The following RFX3 variants were observed in gnomAD, a reference collection of about 807,000 sequenced individuals.
The protein encoded by RFX3 is regulatory factor X3.
Under a neutral mutation model 98.6 loss-of-function variants are expected in RFX3, and 14 were observed. The ratio of observed to expected loss-of-function variants is 0.14; its 90% CI spans 0.09 to 0.22. RFX3 has a LOEUF of 0.22. RFX3 is among the 10% of genes least tolerant of loss of function. The pLI is 1.00. For missense variants in RFX3, 639 were observed against 926.9 expected (o/e 0.69, Z 4.03); for synonymous variants, 383 against 328.4 (o/e 1.17, Z -1.80).
intron 6 of RFX3, 33 bp downstream of exon 6, chr9:3,293,044 G>C (rs776216937): frequency 3.9e-6 from 6 of 1,519,172 alleles, no homozygotes; most frequent in Non-Finnish European, 5.4e-6. Flanking sequence ...GAAAAAGAGA[G>C]ATTAGTTTAT....
intron 15 of RFX3, among the ~76,000 whole-genome samples, chr9:3,239,257 G>T (rs530757207): frequency 6.6e-6 from 1 of 152,196 alleles, no homozygotes; most frequent in Non-Finnish European, 1.5e-5. Context: ...TATTTGCAAG[G>T]ATTAACAACA....
At chr9:3,385,397 C>T (rs1839597937) in intron 2 of RFX3, among the ~76,000 whole-genome samples, 1 of 152,046 alleles carries the variant, frequency 6.6e-6, no homozygotes, top group South Asian at 2.1e-4. Context: ...TAGTCTTATA[C>T]AGTAAGTGAT....
At chr9:3,520,095 G>C (rs979920246) in intron 1 of RFX3, among the ~76,000 whole-genome samples, 6 of 152,108 alleles carry the variant, frequency 3.9e-5, no homozygotes, top group African/African-American at 1.4e-4. Flanking sequence ...GAGTGACAGA[G>C]CAAAACCCTG....
intron 4 of RFX3, among the ~76,000 whole-genome samples, chr9:3,317,408 T>C (rs1008918591): frequency 2.0e-5 from 3 of 152,190 alleles, no homozygotes; most frequent in African/African-American, 7.2e-5. Context: ...CCTAAAACTG[T>C]AAAAGCCCTA....
intron 1 of RFX3, among the ~76,000 whole-genome samples, chr9:3,451,050 C>A (rs1587715420): frequency 6.6e-6 from 1 of 152,220 alleles, no homozygotes; most frequent in African/African-American, 2.4e-5. Flanking sequence ...AAAGGCGAAT[C>A]TGGAGCATCC....
At chr9:3,226,673 T>C (rs1057443934) in intron 16 of RFX3, among the ~76,000 whole-genome samples, 1 of 152,186 alleles carries the variant, frequency 6.6e-6, no homozygotes, top group African/African-American at 2.4e-5. Context: ...TCAGAACAAG[T>C]ACATTCAAAG....
intron 4 of RFX3, among the ~76,000 whole-genome samples, chr9:3,310,964 G>T (rs990767170): frequency 6.6e-6 from 1 of 151,894 alleles, no homozygotes; most frequent in Non-Finnish European, 1.5e-5. Flanking sequence ...ATCGATAAAC[G>T]TTACTCAAAA....
intron 15 of RFX3, among the ~76,000 whole-genome samples, chr9:3,242,658 G>A (rs912221018): frequency 4.6e-5 from 7 of 151,952 alleles, no homozygotes; most frequent in African/African-American, 1.7e-4. Context: ...AAGCTTACAT[G>A]TTCAATTATT....
chr9:3,373,121 G>A (rs867602064), intron 2 of RFX3, among the ~76,000 whole-genome samples: 27 of 152,110 alleles, frequency 1.8e-4, no homozygotes, highest in African/African-American at 6.5e-4. Context: ...AGGTGTGTCA[G>A]TAGGTATGGG....
At chr9:3,367,252 T>TG in intron 2 of RFX3, among the ~76,000 whole-genome samples, 1 of 152,094 alleles carries the variant, frequency 6.6e-6, no homozygotes, top group East Asian at 1.9e-4. Context: ...GCCGTATTGT[T>TG]GCTTTGAAAA....
chr9:3,231,801 A>C (rs479166), intron 15 of RFX3, among the ~76,000 whole-genome samples: 127,502 of 151,994 alleles, frequency 0.84, 54,460 homozygotes, highest in East Asian at 0.97. Flanking sequence ...TGGTGGCTCA[A>C]ACCTATAATC....
chr9:3,465,180 A>G (rs1183163964), intron 1 of RFX3, among the ~76,000 whole-genome samples: 1 of 152,204 alleles, frequency 6.6e-6, no homozygotes, highest in South Asian at 2.1e-4. Flanking sequence ...CTATAAATCA[A>G]GAGTATCAGT....
intron 12 of RFX3, among the ~76,000 whole-genome samples, chr9:3,263,607 C>T (rs1223254574): frequency 1.3e-5 from 2 of 152,054 alleles, no homozygotes; most frequent in African/African-American, 2.4e-5. Context: ...TTTATAGAAA[C>T]GAGTAATTTT....
At chr9:3,239,545 G>C (rs369842665) in intron 15 of RFX3, among the ~76,000 whole-genome samples, 1 of 152,216 alleles carries the variant, frequency 6.6e-6, no homozygotes, top group African/African-American at 2.4e-5. Context: ...TGGGGACATA[G>C]CAACAGGTGT....
intron 16 of RFX3, among the ~76,000 whole-genome samples, chr9:3,227,693 T>C (rs1401406930): frequency 6.6e-6 from 1 of 152,184 alleles, no homozygotes; most frequent in African/African-American, 2.4e-5. Flanking sequence ...CAGTGTTGCT[T>C]TATGTGGGAC....
At chr9:3,294,834 T>C (rs541055604) in intron 5 of RFX3, among the ~76,000 whole-genome samples, 6 of 152,234 alleles carry the variant, frequency 3.9e-5, no homozygotes, top group South Asian at 4.1e-4. Flanking sequence ...TCAGAAAGAC[T>C]TGAAGTCCTT....
intron 9 of RFX3, among the ~76,000 whole-genome samples, chr9:3,273,582 G>C (rs1824791113): frequency 6.6e-6 from 1 of 152,076 alleles, no homozygotes; most frequent in South Asian, 2.1e-4. Flanking sequence ...ATCCATTATA[G>C]GGTGGGCACA....
intron 1 of RFX3, among the ~76,000 whole-genome samples, chr9:3,521,020 G>C (rs927974979): frequency 1.3e-5 from 2 of 152,042 alleles, no homozygotes; most frequent in Non-Finnish European, 2.9e-5. Flanking sequence ...TTATGAATTA[G>C]CCTGATAACC....
intron 16 of RFX3, among the ~76,000 whole-genome samples, chr9:3,227,091 C>T (rs186247194): frequency 2.0e-5 from 3 of 152,134 alleles, no homozygotes; most frequent in Non-Finnish European, 2.9e-5. Flanking sequence ...GTGGCCACAT[C>T]CAGCAGGTGA....
Sources: gnomAD v4.1 joint callset for allele counts (sites outside exome capture counted in the v4.1 genomes callset) on GRCh38, gnomAD v4.1.1 for gene constraint, MANE v1.5 for transcripts, NCBI Gene and HGNC (gene_info 2026-07-23, HGNC 2026-07-21) for gene names.